Variants in KIAA1549L observed in about 807,000 individuals in gnomAD.
KIAA1549L encodes KIAA1549 like, also known as UPF0606 protein KIAA1549L.
Under a neutral mutation model 160.7 loss-of-function variants are expected in KIAA1549L, and 88 were observed. That is an observed-to-expected ratio of 0.55 (90% CI 0.46 to 0.65). The LOEUF is 0.65. KIAA1549L is among the 30% of genes least tolerant of loss of function. The pLI is 0.00. For synonymous variants in KIAA1549L, 950 were observed against 976.7 expected (o/e 0.97, Z 0.51); for missense variants, 2,258 against 2,437.5 (o/e 0.93, Z 1.55).
At chr11:33,649,343 GAA>G (rs545884059) in intron 17 of KIAA1549L, among the ~76,000 whole-genome samples, 23 of 102,752 alleles carry the variant, frequency 2.2e-4, no homozygotes, top group Admixed American at 8.3e-4. Flanking sequence ...CTCTACGGGG[GAA>G]AAAAAAAAAA....
At chr11:33,659,450 T>C (rs780206658) in intron 19 of KIAA1549L, among the ~76,000 whole-genome samples, 2 of 152,260 alleles carry the variant, frequency 1.3e-5, no homozygotes, top group Non-Finnish European at 2.9e-5. Flanking sequence ...TAAACTGCCA[T>C]GTGGTATTCT....
At chr11:33,392,970 A>G (rs945248876) in intron 1 of KIAA1549L, among the ~76,000 whole-genome samples, 6 of 152,098 alleles carry the variant, frequency 3.9e-5, no homozygotes, top group Admixed American at 3.9e-4. Flanking sequence ...CCAAAGCTGC[A>G]TCTCCTAATT....
intron 18 of KIAA1549L, 28 bp downstream of exon 18, chr11:33,656,137 T>C (rs1852057548): frequency 1.9e-6 from 3 of 1,558,272 alleles, no homozygotes; most frequent in Admixed American, 1.7e-5. Context: ...TTGTTTTGTT[T>C]GGAATATTTG....
At chr11:33,643,347 C>T (rs946484317) in intron 16 of KIAA1549L, among the ~76,000 whole-genome samples, 1 of 152,160 alleles carries the variant, frequency 6.6e-6, no homozygotes, top group Non-Finnish European at 1.5e-5. Flanking sequence ...CCCAGTACTA[C>T]CCCACCCCAG....
intron 1 of KIAA1549L, among the ~76,000 whole-genome samples, chr11:33,456,233 T>A (rs1016392838): frequency 3.3e-5 from 5 of 152,178 alleles, no homozygotes; most frequent in African/African-American, 1.2e-4. Context: ...GATGACCTAA[T>A]TAATTTTTCC....
chr11:33,550,657 T>C (rs1420845595), intron 4 of KIAA1549L, among the ~76,000 whole-genome samples: 1 of 152,210 alleles, frequency 6.6e-6, no homozygotes, highest in African/African-American at 2.4e-5. Flanking sequence ...CTTTTAATTC[T>C]CATAAATGAT....
At chr11:33,493,251 A>G (rs988793644) in intron 1 of KIAA1549L, among the ~76,000 whole-genome samples, 10 of 152,172 alleles carry the variant, frequency 6.6e-5, no homozygotes, top group African/African-American at 2.4e-4. Flanking sequence ...GAATGGATTA[A>G]TACCAATTAT....
chr11:33,388,924 G>A lies in KIAA1549L; in HGVS notation c.238+12035G>A, dbSNP rs76135187. Among the ~76,000 whole-genome samples, 1,129 of 152,316 alleles carry A rather than the reference G, an allele frequency of 7.4e-3. 12 individuals are homozygous for A. The highest frequency in any genetic ancestry group is 0.02 in the South Asian group (98 of 4,822). On this transcript the variant is annotated intron_variant, in intron 1 of 20. Transcript: ENST00000658780. ...CAATCCTAGATATAAATAAGGCCAA[G>A]TAGCTTCCTCAACATAGGCCAAGGT...
intron 1 of KIAA1549L, among the ~76,000 whole-genome samples, chr11:33,464,035 A>G (rs1851993580): frequency 6.6e-6 from 1 of 152,184 alleles, no homozygotes; most frequent in Non-Finnish European, 1.5e-5. Flanking sequence ...GATAGCTGAC[A>G]CACATTATCT....
At chr11:33,531,415 C>G (rs1853768362) in intron 1 of KIAA1549L, among the ~76,000 whole-genome samples, 2 of 152,008 alleles carry the variant, frequency 1.3e-5, no homozygotes, top group Admixed American at 6.6e-5. Flanking sequence ...GCGGAGGTTG[C>G]AGGAGCCGAG....
Position 33,544,988 on chromosome 11 carries a change from G to A in KIAA1549L, c.2995G>A (p.Ala999Thr), listed in dbSNP as rs1385477247. The change falls in exon 3 of 21, where the codon GCA (alanine) becomes ACA (threonine). Residue 999 changes from alanine to threonine, a missense_variant. Physicochemically the swap from Ala to Thr is moderately conservative, Grantham distance 58. Transcript: ENST00000658780. ...ATCTGGCCCAAAGAGGACACCAGGG[G>A]CAGTCCATACAGCCTTCCCATTCAC... is the stretch of plus-strand genomic sequence containing the variant. Reference protein sequence around the residue: ...AASGPKRTPGAVHTAFPFTPT... With the variant: ...AASGPKRTPGTVHTAFPFTPT... 4 of 1,613,874 alleles carry A rather than the reference G, an allele frequency of 2.5e-6. No individual in the cohort carries two copies. The African/African-American group carries it at 5.3e-5, about 22-fold the overall frequency.
At chr11:33,430,872 T>C (rs1183372541) in intron 1 of KIAA1549L, among the ~76,000 whole-genome samples, 1 of 152,248 alleles carries the variant, frequency 6.6e-6, no homozygotes, top group African/African-American at 2.4e-5. Context: ...ACTTTTGAAG[T>C]AGCACTGTGT....
intron 15 of KIAA1549L, among the ~76,000 whole-genome samples, 194 bp downstream of exon 15, chr11:33,610,160 TA>T (rs375305611): frequency 0.027 from 3,979 of 146,788 alleles, 132 homozygotes; most frequent in African/African-American, 0.076. Flanking sequence ...TTAAAGCCAT[TA>T]AAAAAAAAAA....
At chr11:33,549,531 T>TGCTGAAATACCTCTTGTTCCAC (rs1854383821) in intron 4 of KIAA1549L, among the ~76,000 whole-genome samples, 2 of 152,240 alleles carry the variant, frequency 1.3e-5, no homozygotes, top group African/African-American at 2.4e-5. Flanking sequence ...CCACGTTCCA[T>TGCTGAAATACCTCTTGTTCCAC]GCTGAAATAC....
intron 6 of KIAA1549L, among the ~76,000 whole-genome samples, chr11:33,554,106 C>T (rs1183857802): frequency 6.6e-6 from 1 of 152,174 alleles, no homozygotes; most frequent in African/African-American, 2.4e-5. Context: ...TAGTAACCCT[C>T]AGGGCCCCTA....
chr11:33,642,988 T>C (rs1312088341), intron 16 of KIAA1549L, among the ~76,000 whole-genome samples: 2 of 152,132 alleles, frequency 1.3e-5, no homozygotes, highest in South Asian at 4.1e-4. Context: ...AAGTCATACT[T>C]TAAGTAAGCA....
chr11:33,437,218 C>T (rs1851399698), intron 1 of KIAA1549L, among the ~76,000 whole-genome samples: 1 of 152,078 alleles, frequency 6.6e-6, no homozygotes, highest in Non-Finnish European at 1.5e-5. Context: ...CTCATATGTA[C>T]ACATTATTTT....
chr11:33,582,186 C>T (rs545661017), intron 10 of KIAA1549L, among the ~76,000 whole-genome samples: 5 of 152,180 alleles, frequency 3.3e-5, no homozygotes, highest in Admixed American at 6.5e-5. Flanking sequence ...GATTAATCAC[C>T]GATTGATAAA....
intron 10 of KIAA1549L, among the ~76,000 whole-genome samples, chr11:33,582,540 TCTC>T (rs1855677592): frequency 6.6e-6 from 1 of 152,158 alleles, no homozygotes; most frequent in South Asian, 2.1e-4. Flanking sequence ...AGAAGGAACT[TCTC>T]CTTTTAACTT....
Sources: gnomAD v4.1 joint callset for allele counts (sites outside exome capture counted in the v4.1 genomes callset) on GRCh38, gnomAD v4.1.1 for gene constraint, MANE v1.5 for transcripts, NCBI Gene and HGNC (gene_info 2026-07-23, HGNC 2026-07-21) for gene names.